SDK1: variants seen among roughly 807,000 people sequenced by gnomAD.
The protein encoded by SDK1 is sidekick cell adhesion molecule 1, also known as protein sidekick-1.
Under a neutral mutation model 245.5 loss-of-function variants are expected in SDK1, and 157 were observed. The ratio of observed to expected loss-of-function variants is 0.64; its 90% CI spans 0.56 to 0.73. The LOEUF (loss-of-function observed/expected upper bound fraction) is 0.73, where lower values mean the gene tolerates loss of function less well. Among genes scored for constraint, SDK1 ranks in the 30% least tolerant of loss-of-function variants. The probability of loss-of-function intolerance (pLI) is 0.00; values close to 1 mark genes in which losing one functional copy is unlikely to be tolerated. For missense variants in SDK1, 3,583 were observed against 3,002.3 expected (o/e 1.19, Z -4.52); for synonymous variants, 1,647 against 1,278.5 (o/e 1.29, Z -6.15).
At chr7:3,917,698 CA>C (rs1779432789) in intron 5 of SDK1, among the ~76,000 whole-genome samples, 1 of 152,182 alleles carries the variant, frequency 6.6e-6, no homozygotes, top group Non-Finnish European at 1.5e-5. Flanking sequence ...ATAAGTCACA[CA>C]TTCTATTTCC....
chr7:3,851,552 A>C (rs1780419983), intron 5 of SDK1, among the ~76,000 whole-genome samples: 1 of 151,352 alleles, frequency 6.6e-6, no homozygotes, highest in Non-Finnish European at 1.5e-5. Context: ...ATAATAATTG[A>C]GATCAGTAAT....
At chr7:3,398,632 G>GATTT (rs1269251076) in intron 1 of SDK1, among the ~76,000 whole-genome samples, 1 of 149,792 alleles carries the variant, frequency 6.7e-6, no homozygotes, top group Admixed American at 6.6e-5. Flanking sequence ...CTGAGCACAT[G>GATTT]ATTTATTTAT....
At chr7:3,348,253 C>G (rs1035419528) in intron 1 of SDK1, among the ~76,000 whole-genome samples, 10 of 152,218 alleles carry the variant, frequency 6.6e-5, no homozygotes, top group Middle Eastern at 3.4e-3. Context: ...ATTTTATTAC[C>G]CTCTCTGACT....
intron 1 of SDK1, among the ~76,000 whole-genome samples, chr7:3,320,595 T>C (rs973674303): frequency 6.6e-6 from 1 of 152,224 alleles, no homozygotes; most frequent in Non-Finnish European, 1.5e-5. Flanking sequence ...CCATCTGTGA[T>C]GTTAGCTTAT....
chr7:3,840,655 G>T (rs938473613), intron 5 of SDK1, among the ~76,000 whole-genome samples: 9 of 152,232 alleles, frequency 5.9e-5, no homozygotes, highest in Non-Finnish European at 1.3e-4. Context: ...GCTCCCAGGT[G>T]ATGCTGATAC....
In SDK1 at chr7:3,753,189, T is replaced by C. The variant is rs79091400; in HGVS notation, c.714-68261T>C. ...TAGTTATGAGATTGTCATATTTAAATTTCATGACTGTTTTTCAACCTGAAT... is the reference window on the plus strand; with the variant it reads ...TAGTTATGAGATTGTCATATTTAAACTTCATGACTGTTTTTCAACCTGAAT... On this transcript the variant is annotated intron_variant, in intron 4 of 44. Transcript: ENST00000404826. Among the ~76,000 whole-genome samples the C allele has an allele frequency of 5.7e-3, 864 of 152,306 alleles. 4 individuals carry two copies. The highest frequency in any genetic ancestry group is 0.02 in the African/African-American group (839 of 41,572).
chr7:4,001,166 C>G (rs991365433), intron 14 of SDK1, among the ~76,000 whole-genome samples: 3 of 152,160 alleles, frequency 2.0e-5, no homozygotes, highest in African/African-American at 7.2e-5. Context: ...GCTCCCATAG[C>G]TTGAGCTCCA....
intron 1 of SDK1, among the ~76,000 whole-genome samples, chr7:3,593,400 G>A (rs991422900): frequency 6.6e-6 from 1 of 152,160 alleles, no homozygotes; most frequent in Non-Finnish European, 1.5e-5. Context: ...CCATGCATCA[G>A]CTGCCCCGTT....
chr7:3,880,506 G>T (rs961996178), intron 5 of SDK1, among the ~76,000 whole-genome samples: 1 of 150,652 alleles, frequency 6.6e-6, no homozygotes, highest in East Asian at 2.0e-4. Flanking sequence ...GCAGCGATGC[G>T]CAGATGCGTG....
intron 25 of SDK1, among the ~76,000 whole-genome samples, chr7:4,127,008 C>T (rs1322776630): frequency 6.6e-6 from 1 of 152,160 alleles, no homozygotes; most frequent in Non-Finnish European, 1.5e-5. Flanking sequence ...CTTCTCCTGT[C>T]CCTATCACAG....
chr7:3,993,029 T>C (rs1372110999), intron 14 of SDK1, among the ~76,000 whole-genome samples: 1 of 152,254 alleles, frequency 6.6e-6, no homozygotes, highest in Non-Finnish European at 1.5e-5. Context: ...AACGTCTTAC[T>C]GGTTCCCTCA....
chr7:3,565,935 A>C (rs1474851961), intron 1 of SDK1, among the ~76,000 whole-genome samples: 4 of 152,230 alleles, frequency 2.6e-5, no homozygotes, highest in African/African-American at 7.2e-5. Context: ...ACATATGATC[A>C]AACTATAAGA....
chr7:4,249,243 C>G (rs971848332), intron 44 of SDK1, among the ~76,000 whole-genome samples: 5 of 152,180 alleles, frequency 3.3e-5, no homozygotes, highest in African/African-American at 1.2e-4. Context: ...TTTTGAATGT[C>G]TTCCCTGAGA....
chr7:3,864,024 A>G (rs535506576), intron 5 of SDK1, among the ~76,000 whole-genome samples: 14 of 152,340 alleles, frequency 9.2e-5, no homozygotes, highest in African/African-American at 3.4e-4. Flanking sequence ...TTCCACAATG[A>G]TCACAGTGGT....
At chr7:3,643,701 T>A (rs1409500894) in intron 4 of SDK1, 1 of 146,940 alleles carries the variant, frequency 6.8e-6, no homozygotes, top group Non-Finnish European at 1.5e-5. Flanking sequence ...ACCTCATGAT[T>A]CTCATCTCCC....
In SDK1 at chr7:3,660,367, G is replaced by A. The variant is rs181884040; in HGVS notation, c.713+18262G>A. On this transcript the variant is annotated intron_variant, in intron 4 of 44. Coordinates refer to ENST00000404826, the MANE Select transcript of SDK1 (RefSeq NM_152744.4). ...AGCTTGAGAAAAGCTTGAGTCAACA[G>A]GACTTGAATTCCAGCACTAAATAAG... Among the ~76,000 whole-genome samples the A allele has an allele frequency of 4.5e-4, 69 of 151,732 alleles. No homozygotes were observed. In the East Asian group the frequency reaches 0.013, roughly 28 times the overall value.
In SDK1 at chr7:3,551,747, C is replaced by A. The variant is rs374449957; in HGVS notation, c.299-67333C>A. Among the ~76,000 whole-genome samples the A allele has an allele frequency of 1.3e-4, 20 of 152,200 alleles. No homozygotes were observed. The East Asian group carries it at 3.5e-3, about 27-fold the overall frequency. ...CTGGAGTACAGCAGCACGATCACGG[C>A]TCACCGCAGCCTGAGACTCGTGGGT... On this transcript the variant is annotated intron_variant, in intron 1 of 44. Transcript: ENST00000404826.
At chr7:4,111,333 G>A (rs116741895) in intron 23 of SDK1, among the ~76,000 whole-genome samples, 9 of 152,270 alleles carry the variant, frequency 5.9e-5, no homozygotes, top group East Asian at 1.9e-4. Context: ...ATCACTTCCC[G>A]TAAGGCCTTT....
At chr7:3,587,149 C>T (rs1780716551) in intron 1 of SDK1, among the ~76,000 whole-genome samples, 1 of 152,162 alleles carries the variant, frequency 6.6e-6, no homozygotes, top group South Asian at 2.1e-4. Flanking sequence ...CAGAACTCTG[C>T]TGTGGACCTA....
Sources: gnomAD v4.1 joint callset for allele counts (sites outside exome capture counted in the v4.1 genomes callset) on GRCh38, gnomAD v4.1.1 for gene constraint, MANE v1.5 for transcripts, NCBI Gene and HGNC (gene_info 2026-07-23, HGNC 2026-07-21) for gene names.